Variants in FBXL7 observed in about 807,000 individuals in gnomAD.
FBXL7 encodes F-box and leucine rich repeat protein 7.
FBXL7 carries 12 observed loss-of-function variants against 38.3 expected under a neutral mutation model. That is an observed-to-expected ratio of 0.31 (90% CI 0.20 to 0.51). FBXL7 has a LOEUF of 0.51. Ranked by LOEUF, FBXL7 falls within the 20% of genes least tolerant of loss-of-function variation. FBXL7 has a pLI of 0.98. For synonymous variants in FBXL7, 297 were observed against 300.9 expected (o/e 0.99, Z 0.13); for missense variants, 567 against 676.4 (o/e 0.84, Z 1.79).
At chr5:15,551,258 T>G (rs2126422202) in intron 1 of FBXL7, among the ~76,000 whole-genome samples, 1 of 152,342 alleles carries the variant, frequency 6.6e-6, no homozygotes, top group East Asian at 1.9e-4. Context: ...GAACGTGTAC[T>G]TGACCCGGAG....
intron 2 of FBXL7, among the ~76,000 whole-genome samples, chr5:15,689,944 G>A (rs1027093181): frequency 6.6e-6 from 1 of 152,134 alleles, no homozygotes; most frequent in Non-Finnish European, 1.5e-5. Flanking sequence ...CAGCATCTTT[G>A]GCTTTTACCC....
At position 15,779,737 on chromosome 5, in the gene FBXL7, C is replaced by T. The variant is rs557907278; in HGVS notation, c.128-148153C>T. Among the ~76,000 whole-genome samples, 209 of 152,248 alleles carry T rather than the reference C, an allele frequency of 1.4e-3. 2 individuals are homozygous for T. In the South Asian group the frequency reaches 0.017, roughly 12 times the overall value. On this transcript the variant is annotated intron_variant, in intron 2 of 3. Transcript: ENST00000504595. ...TTTAAAGTCTTTTAGATACAGTCAG[C>T]AAATTAATGGCAATATAGTAAGTTT...
Position 15,556,523 on chromosome 5 carries a change from G to A in FBXL7, c.37+55810G>A, listed in dbSNP as rs1738244094. On this transcript the variant is annotated intron_variant, in intron 1 of 3. Transcript: ENST00000504595. Reference sequence around the variant, plus strand: ...TTACCAGTTATCTGGGCGTCCCGTGGTCCAGTCAAGTTGACCATAGAATTA... The same window carrying A: ...TTACCAGTTATCTGGGCGTCCCGTGATCCAGTCAAGTTGACCATAGAATTA... Among the ~76,000 whole-genome samples the A allele has an allele frequency of 2.6e-5, 4 of 152,226 alleles. No homozygotes were observed. In the South Asian group the frequency reaches 6.2e-4, roughly 24 times the overall value.
chr5:15,907,804 G>T (rs1433521013), intron 2 of FBXL7, among the ~76,000 whole-genome samples: 1 of 90,386 alleles, frequency 1.1e-5, no homozygotes, highest in Non-Finnish European at 2.0e-5. Flanking sequence ...TTTTTCCCAG[G>T]TTTGTCAAAG....
At chr5:15,515,909 T>C (rs1736922816) in intron 1 of FBXL7, among the ~76,000 whole-genome samples, 1 of 152,180 alleles carries the variant, frequency 6.6e-6, no homozygotes, top group Non-Finnish European at 1.5e-5. Context: ...TCAGAATCAC[T>C]ATGATACTGA....
At chr5:15,725,026 C>G (rs1744303095) in intron 2 of FBXL7, among the ~76,000 whole-genome samples, 1 of 152,172 alleles carries the variant, frequency 6.6e-6, no homozygotes, top group Non-Finnish European at 1.5e-5. Flanking sequence ...TTCTTGATCC[C>G]TGTCAGTAAA....
intron 1 of FBXL7, among the ~76,000 whole-genome samples, chr5:15,544,041 C>T (rs1344929783): frequency 6.6e-6 from 1 of 152,146 alleles, no homozygotes; most frequent in Non-Finnish European, 1.5e-5. Flanking sequence ...TCTGCATAAG[C>T]TACCCCTTAA....
At chr5:15,852,096 A>G (rs971833255) in intron 2 of FBXL7, among the ~76,000 whole-genome samples, 21 of 152,108 alleles carry the variant, frequency 1.4e-4, no homozygotes, top group African/African-American at 5.1e-4. Context: ...CATCTTGGTG[A>G]AAAGTCCTTC....
chr5:15,858,115 C>G (rs1219509064), intron 2 of FBXL7, among the ~76,000 whole-genome samples: 2 of 151,648 alleles, frequency 1.3e-5, no homozygotes, highest in Non-Finnish European at 2.9e-5. Flanking sequence ...CATTAGAATT[C>G]TGTAACACTG....
chr5:15,549,908 T>A (rs1007864861), intron 1 of FBXL7, among the ~76,000 whole-genome samples: 1 of 152,124 alleles, frequency 6.6e-6, no homozygotes, highest in Admixed American at 6.6e-5. Flanking sequence ...AGAAACTGGA[T>A]AGCCAAGGTG....
At chr5:15,606,597 G>T (rs371976030) in intron 1 of FBXL7, among the ~76,000 whole-genome samples, 23 of 152,356 alleles carry the variant, frequency 1.5e-4, no homozygotes, top group African/African-American at 5.3e-4. Context: ...AGAACATTCA[G>T]TGTAAAGAAA....
chr5:15,576,815 A>G (rs6879834), intron 1 of FBXL7, among the ~76,000 whole-genome samples: 57,324 of 151,888 alleles, frequency 0.38, 11,032 homozygotes, highest in African/African-American at 0.43. Flanking sequence ...ATCTCATTAC[A>G]ACAGTCATCC....
chr5:15,568,068 TG>T (rs1738645202), intron 1 of FBXL7, among the ~76,000 whole-genome samples: 1 of 152,208 alleles, frequency 6.6e-6, no homozygotes, highest in Non-Finnish European at 1.5e-5. Context: ...TGTGTGCATG[TG>T]TCTTTATAGC....
intron 1 of FBXL7, among the ~76,000 whole-genome samples, chr5:15,588,484 T>A (rs370960726): frequency 4.6e-5 from 7 of 151,804 alleles, no homozygotes; most frequent in East Asian, 3.9e-4. Flanking sequence ...CCTCCCAGGT[T>A]CAAGCGATTC....
chr5:15,625,272 A>G (rs1362281861), intron 2 of FBXL7, among the ~76,000 whole-genome samples: 1 of 152,190 alleles, frequency 6.6e-6, no homozygotes, highest in Non-Finnish European at 1.5e-5. Flanking sequence ...AGTAAAATTA[A>G]TATTTAAGTT....
intron 2 of FBXL7, among the ~76,000 whole-genome samples, chr5:15,774,195 A>T (rs900755857): frequency 2.6e-5 from 4 of 151,816 alleles, no homozygotes; most frequent in African/African-American, 9.7e-5. Flanking sequence ...CTTTCCTATG[A>T]TCCTTTTCTC....
intron 2 of FBXL7, among the ~76,000 whole-genome samples, chr5:15,755,472 A>C (rs1411583061): frequency 1.3e-5 from 2 of 152,070 alleles, no homozygotes; most frequent in Admixed American, 6.6e-5. Flanking sequence ...TACAGATATA[A>C]ATTGTGTTGT....
intron 1 of FBXL7, among the ~76,000 whole-genome samples, chr5:15,589,495 G>A (rs1004053056): frequency 2.6e-5 from 4 of 152,088 alleles, no homozygotes; most frequent in South Asian, 4.2e-4. Flanking sequence ...AGGCTTCCCC[G>A]GCTATGCTTC....
At chr5:15,603,425 A>G (rs1488423561) in intron 1 of FBXL7, among the ~76,000 whole-genome samples, 1 of 152,000 alleles carries the variant, frequency 6.6e-6, no homozygotes, top group Non-Finnish European at 1.5e-5. Flanking sequence ...ACTATTACCC[A>G]TTTTACAGAT....
Sources: gnomAD v4.1 joint callset for allele counts (sites outside exome capture counted in the v4.1 genomes callset) on GRCh38, gnomAD v4.1.1 for gene constraint, MANE v1.5 for transcripts, NCBI Gene and HGNC (gene_info 2026-07-23, HGNC 2026-07-21) for gene names.